Variants in ZNF765 observed in about 807,000 individuals in gnomAD.
ZNF765 encodes zinc finger protein 765.
A neutral mutation model predicts 44.7 loss-of-function variants in ZNF765; 37 were observed. The observed-to-expected ratio is 0.83, with a 90% confidence interval of 0.64 to 1.09. ZNF765 has a LOEUF of 1.09. ZNF765 is among the 50% of genes least tolerant of loss of function. The probability of loss-of-function intolerance (pLI) is 0.00; values close to 1 mark genes in which losing one functional copy is unlikely to be tolerated. For synonymous variants in ZNF765, 201 were observed against 213.7 expected (o/e 0.94, Z 0.52); for missense variants, 594 against 626.1 (o/e 0.95, Z 0.55).
At chr19:53,405,940 TATATATATATAA>T (rs1344638438) in intron 3 of ZNF765, among the ~76,000 whole-genome samples, 1 of 120,670 alleles carries the variant, frequency 8.3e-6, no homozygotes, top group African/African-American at 3.2e-5. Flanking sequence ...TATATATATA[TATATATATATAA>T]AATTGCTGTA....
At chr19:53,398,088 T>C in intron 2 of ZNF765, 58 bp downstream of exon 2, 1 of 1,613,466 alleles carries the variant, frequency 6.2e-7, no homozygotes, top group Non-Finnish European at 8.5e-7. Context: ...ATGCTGACCT[T>C]GGAGTTTGGA....
Position 53,407,916 on chromosome 19 carries a change from G to A in ZNF765, c.361G>A (p.Gly121Ser). The change falls in exon 4 of 4, where the codon GGT becomes AGT. Residue 121 changes from glycine to serine, a missense_variant. Gly to Ser is a moderately conservative substitution (Grantham distance 56, BLOSUM62 0). Transcript: ENST00000396408. ...CATGACAAAAATCAAAAAGTTGACA[G>A]GTAGTACAGAGCGATATGATCAAAA... ...ALMTKIKKLT[G>S]STERYDQNYA... 1 of 1,614,116 alleles carries A rather than the reference G, an allele frequency of 6.2e-7. No homozygotes were observed. Among genetic ancestry groups the A allele is most frequent in the Non-Finnish European group, 8.5e-7 (1 of 1,180,008 alleles).
Position 53,409,384 on chromosome 19 carries a change from G to A in ZNF765, c.*257G>A, listed in dbSNP as rs1242781761. 1 of 840,928 alleles carries A rather than the reference G, an allele frequency of 1.2e-6. No individual in the cohort carries two copies. The highest frequency in any genetic ancestry group is 1.4e-5 in the South Asian group (1 of 73,920). The allele number at this position is 840,928 out of a possible 1,614,324, so 52.1% of individuals were successfully genotyped here. A position where few individuals can be genotyped will look rare whatever the true frequency, so the allele number is the denominator to read the frequency against. On this transcript the variant is annotated 3_prime_UTR_variant, in exon 4 of 4. Coordinates refer to ENST00000396408, the MANE Select transcript of ZNF765 (RefSeq NM_001040185.3). ...GAGACCTTACAAATGTGAAGAATGT[G>A]AAGAAGCTTTCTGTTTCAAATCCAA...
downstream of ZNF765, among the ~76,000 whole-genome samples, chr19:53,414,802 T>G (rs972547975): frequency 6.6e-6 from 1 of 150,562 alleles, no homozygotes; most frequent in African/African-American, 2.4e-5. Flanking sequence ...CCACAGGTGC[T>G]CAATCAGTGT....
intron 1 of ZNF765, among the ~76,000 whole-genome samples, chr19:53,395,721 G>A (rs1347001680): frequency 2.6e-5 from 4 of 152,208 alleles, no homozygotes; most frequent in Non-Finnish European, 5.9e-5. Context: ...CTGAGCCCGA[G>A]TTAGGGAGGT....
exon 4 of ZNF765, chr19:53,427,122 G>A (rs1480568834): frequency 1.5e-5 from 2 of 131,160 alleles, no homozygotes; most frequent in African/African-American, 3.3e-5. Context: ...ACCCTCATAC[G>A]GCTGACGTGC....
chr19:53,414,489 ACCCCCCC>A (rs1160212994), downstream of ZNF765, among the ~76,000 whole-genome samples: 61 of 5,094 alleles, frequency 0.012, 5 homozygotes, highest in Non-Finnish European at 0.014. Flanking sequence ...ACACACACAC[ACCCCCCC>A]CCCCCCCCCC....
downstream of ZNF765, among the ~76,000 whole-genome samples, chr19:53,416,395 A>G (rs1444367152): frequency 1.3e-5 from 2 of 152,260 alleles, no homozygotes; most frequent in East Asian, 3.9e-4. Flanking sequence ...GACAGAGCGA[A>G]ACTCAGTCTC....
intron 2 of ZNF765, among the ~76,000 whole-genome samples, chr19:53,400,295 A>G (rs1468970774): frequency 6.6e-6 from 1 of 152,160 alleles, no homozygotes; most frequent in Non-Finnish European, 1.5e-5. Flanking sequence ...TGACATCTGC[A>G]TTGGAAATTG....
intron 3 of ZNF765, among the ~76,000 whole-genome samples, chr19:53,404,223 A>G (rs1568777955): frequency 1.3e-5 from 2 of 152,030 alleles, no homozygotes; most frequent in Non-Finnish European, 2.9e-5. Context: ...GATTACAGGC[A>G]TGTGCCACCA....
intron 2 of ZNF765, among the ~76,000 whole-genome samples, chr19:53,400,447 A>G (rs2085712683): frequency 6.6e-6 from 1 of 152,050 alleles, no homozygotes; most frequent in Admixed American, 6.6e-5. Flanking sequence ...TTCCTCTAGG[A>G]TGAGGCATTT....
At chr19:53,400,783 T>TATATATACACACAC (rs10664389) in intron 2 of ZNF765, among the ~76,000 whole-genome samples, 2 of 126,760 alleles carry the variant, frequency 1.6e-5, no homozygotes, top group African/African-American at 5.9e-5. Context: ...TATATATATA[T>TATATATACACACAC]ACACACATAC....
At chr19:53,405,354 G>A (rs1396368961) in intron 3 of ZNF765, among the ~76,000 whole-genome samples, 1 of 152,052 alleles carries the variant, frequency 6.6e-6, no homozygotes, top group Non-Finnish European at 1.5e-5. Context: ...TCCGGGCTGA[G>A]GTGGGAAAAT....
Position 53,408,210 on chromosome 19 carries a change from G to A in ZNF765, c.655G>A (p.Asp219Asn). Residue 219 changes from aspartate (D) to asparagine (N), a missense_variant, in exon 4 of 4, where the codon GAC (aspartate) becomes AAC (asparagine). By Grantham distance (23) the Asp-to-Asn change is conservative (BLOSUM62 1). This residue lies in a region of ZNF765 where 567 missense variants were observed against 572.6 expected (regional missense o/e 0.99). Transcript: ENST00000396408. ...GAGGGAAAAATCTTTCCAATGCAATGACAGTGGCAAAGCCTATAATTGTAG... is the reference window on the plus strand; with the variant it reads ...GAGGGAAAAATCTTTCCAATGCAATAACAGTGGCAAAGCCTATAATTGTAG... The part of the protein sequence containing the change: ...HMREKSFQCN[D>N]SGKAYNCSSL... The A allele has an allele frequency of 6.2e-7, 1 of 1,614,186 alleles. No individual in the cohort carries two copies. The highest frequency in any genetic ancestry group is 8.5e-7 in the Non-Finnish European group (1 of 1,180,022).
chr19:53,400,201 T>C (rs2085709775), intron 2 of ZNF765, among the ~76,000 whole-genome samples: 1 of 152,214 alleles, frequency 6.6e-6, no homozygotes. Context: ...TGTGCTCCAG[T>C]AAATATTTTA....
chr19:53,404,872 ATGT>A (rs535523747), intron 3 of ZNF765, among the ~76,000 whole-genome samples: 63 of 152,284 alleles, frequency 4.1e-4, no homozygotes, highest in African/African-American at 1.3e-3. Context: ...GCCTTCAGTG[ATGT>A]TGATGATGAG....
chr19:53,403,110 C>T (rs1355309018), intron 3 of ZNF765, among the ~76,000 whole-genome samples: 1 of 151,822 alleles, frequency 6.6e-6, no homozygotes, highest in Non-Finnish European at 1.5e-5. Flanking sequence ...TTGCAGTGAG[C>T]CAAGATTGCC....
chr19:53,417,062 C>T (rs1568787427), intron 3 of ZNF765, among the ~76,000 whole-genome samples: 1 of 152,146 alleles, frequency 6.6e-6, no homozygotes, highest in Non-Finnish European at 1.5e-5. Flanking sequence ...AGGTGATCTG[C>T]CTACCTAGGC....
intron 3 of ZNF765, 139 bp from the exon 4 acceptor site, chr19:53,407,559 T>C (rs543865382): frequency 5.5e-6 from 3 of 549,060 alleles, no homozygotes; most frequent in Non-Finnish European, 8.9e-6. Context: ...AAGAATCTTA[T>C]GCTTTTCTGT....
Sources: allele counts gnomAD v4.1 joint callset (sites outside exome capture counted in the v4.1 genomes callset), GRCh38; gene constraint gnomAD v4.1.1; regional missense constraint gnomAD v4.1.1; transcripts MANE v1.5; gene names NCBI Gene and HGNC (gene_info 2026-07-23, HGNC 2026-07-21).